Variants in ADAP1 observed in about 807,000 individuals in gnomAD.
ADAP1 encodes ArfGAP with dual PH domains 1, also known as arf-GAP with dual PH domain-containing protein 1.
A neutral mutation model predicts 54.9 loss-of-function variants in ADAP1; 31 were observed. The ratio of observed to expected loss-of-function variants is 0.56; its 90% CI spans 0.42 to 0.76. The LOEUF is 0.76. ADAP1 is among the 30% of genes least tolerant of loss of function. The probability of loss-of-function intolerance (pLI) is 0.00; values close to 1 mark genes in which losing one functional copy is unlikely to be tolerated. For synonymous variants in ADAP1, 313 were observed against 202.6 expected, an observed-to-expected ratio of 1.55 and a Z score of -4.63; for missense variants, 535 against 512.4, an observed-to-expected ratio of 1.04 and a Z score of -0.42.
chr7:904,335 A>T, intron 5 of ADAP1, 63 bp from the exon 6 acceptor site: 1 of 1,515,302 alleles, frequency 6.6e-7, no homozygotes, highest in Non-Finnish European at 8.8e-7. Flanking sequence ...GGGAGCAGGA[A>T]GGGCAGACCC....
chr7:928,462 T>C (rs1846460876), intron 2 of ADAP1, among the ~76,000 whole-genome samples: 1 of 152,268 alleles, frequency 6.6e-6, no homozygotes, highest in Non-Finnish European at 1.5e-5. Flanking sequence ...TTTGTTTTAA[T>C]GGAGGTGGGG....
At chr7:904,855 A>G (rs1427654579) in intron 5 of ADAP1, among the ~76,000 whole-genome samples, 5 of 152,204 alleles carry the variant, frequency 3.3e-5, no homozygotes, top group Admixed American at 1.3e-4. Flanking sequence ...GCTCCTGGAA[A>G]GCCTCAGCTG....
At chr7:930,187 C>T (rs943806266) in intron 2 of ADAP1, among the ~76,000 whole-genome samples, 5 of 144,100 alleles carry the variant, frequency 3.5e-5, no homozygotes, top group South Asian at 2.2e-4. Context: ...CAAAATAAAA[C>T]GCTGACCACT....
intron 4 of ADAP1, 191 bp from the exon 5 acceptor site, chr7:905,363 AGGG>A (rs1554271708): frequency 7.4e-6 from 1 of 135,140 alleles, no homozygotes; most frequent in South Asian, 7.6e-5. Flanking sequence ...GGGCAGGGAA[AGGG>A]AAAGGGAAAG....
rs183888494 is a variant in ADAP1 at position 927,113 on chromosome 7, G to T, written c.214-469C>A. 3,801 of 1,304,104 alleles carry T rather than the reference G, an allele frequency of 2.9e-3. 17 individuals are homozygous for T. The highest frequency in any genetic ancestry group is 3.4e-3 in the Non-Finnish European group (3,337 of 989,096). The allele number at this position is 1,304,104 out of a possible 1,614,324, so 80.8% of individuals were successfully genotyped here. On this transcript the variant is annotated intron_variant, in intron 2 of 10. Coordinates refer to ENST00000265846, the MANE Select transcript of ADAP1 (RefSeq NM_006869.4). Reference sequence around the variant, plus strand: ...GGGGCCTGGAGATGGGCTGGTGAGCGAGAGACCCAGATGTGGCTAGGACAG... The same window carrying T: ...GGGGCCTGGAGATGGGCTGGTGAGCTAGAGACCCAGATGTGGCTAGGACAG...
intron 1 of ADAP1, among the ~76,000 whole-genome samples, chr7:942,279 G>C (rs1485990901): frequency 6.6e-6 from 1 of 151,814 alleles, no homozygotes; most frequent in Admixed American, 6.6e-5. Context: ...CACTGAGAGA[G>C]AGAGGAGGAG....
chr7:905,487 AGGAGAAGGGAGAAGGGAGAAGGGAGAAG>A (rs1845145729), intron 4 of ADAP1: 3 of 44,438 alleles, frequency 6.8e-5, no homozygotes, highest in African/African-American at 1.9e-4. Context: ...GAAAGGAGAA[AGGAGAAGGGAGAAGGGAGAAGGGAGAAG>A]GGAGAAGGGA....
Position 926,239 on chromosome 7 carries a change from C to T in ADAP1, c.305+314G>A, listed in dbSNP as rs987580371. Among the ~76,000 whole-genome samples, 6 of 151,664 alleles carry T rather than the reference C, an allele frequency of 4.0e-5. No individual in the cohort carries two copies. Among genetic ancestry groups the T allele is most frequent in the Admixed American group, 2.6e-4 (4 of 15,206 alleles). Reference sequence around the variant, plus strand: ...CGCCCCTCCCGTTCCCCTCCCAGACCGCCAGGAGCACCTGGGAGGGCCCCT... The same window carrying T: ...CGCCCCTCCCGTTCCCCTCCCAGACTGCCAGGAGCACCTGGGAGGGCCCCT... On this transcript the variant is annotated intron_variant, in intron 3 of 10. Coordinates refer to ENST00000265846, the MANE Select transcript of ADAP1 (RefSeq NM_006869.4). The surrounding 1 kb of genome is among the most constrained non-coding windows in gnomAD (Gnocchi z 4.6).
chr7:910,487 G>T (rs1486655458), intron 4 of ADAP1, among the ~76,000 whole-genome samples: 1 of 152,152 alleles, frequency 6.6e-6, no homozygotes, highest in Non-Finnish European at 1.5e-5. Flanking sequence ...CTGAGCTCAG[G>T]TGACCCTCCT....
chr7:933,559 G>A (rs75037685), intron 2 of ADAP1, among the ~76,000 whole-genome samples: 24 of 87,108 alleles, frequency 2.8e-4, no homozygotes, highest in African/African-American at 5.0e-4. Context: ...AGAGCCGGGG[G>A]CCGGGGTCAG....
chr7:944,294 A>G (rs145125501), intron 1 of ADAP1, among the ~76,000 whole-genome samples: 9 of 139,352 alleles, frequency 6.5e-5, no homozygotes, highest in Admixed American at 2.2e-4. Context: ...TCACTCTATC[A>G]CCCAGGCTGG....
intron 2 of ADAP1, chr7:927,593 C>T: frequency 2.3e-6 from 1 of 425,814 alleles, no homozygotes; most frequent in South Asian, 1.7e-5. Context: ...CCCAGAAGAG[C>T]AGCTGGAGAA....
At chr7:928,540 A>C (rs936383330) in intron 2 of ADAP1, among the ~76,000 whole-genome samples, 2 of 152,202 alleles carry the variant, frequency 1.3e-5, no homozygotes, top group African/African-American at 4.8e-5. Context: ...TCGGCCTAAA[A>C]ATGGGGAAGG....
rs746582877 is a variant in ADAP1 at position 900,659 on chromosome 7, A to AGT, written c.649-44_649-43insAC. ...CACAGGCTTGGGCTGAGGAGGCTGC[A>AGT]GCGCTGGGGTCCCCACAGAGGGGCT... On this transcript the variant is annotated intron_variant, in intron 6 of 10. Coordinates refer to ENST00000265846, the MANE Select transcript of ADAP1 (RefSeq NM_006869.4). 9 of 1,480,550 alleles carry AGT rather than the reference A, an allele frequency of 6.1e-6. No homozygotes were observed. In the African/African-American group the frequency reaches 1.2e-4, roughly 20 times the overall value. The allele number at this position is 1,480,550 out of a possible 1,614,324, so 91.7% of individuals were successfully genotyped here.
chr7:901,183 G>T lies in ADAP1; in HGVS notation c.649-567C>A, dbSNP rs186053808. 31 of 368,340 alleles carry T rather than the reference G, an allele frequency of 8.4e-5. No homozygotes were observed. In the East Asian group the frequency reaches 2.1e-3, roughly 25 times the overall value. The allele number at this position is 368,340 out of a possible 1,614,324, so 22.8% of individuals were successfully genotyped here. A position where few individuals can be genotyped will look rare whatever the true frequency, so the allele number is the denominator to read the frequency against. ...GGGTGGGCCAGCACCCTGGAACAGA[G>T]GGCCCATAGCCCAGGCCTGGCACCC... On this transcript the variant is annotated intron_variant, in intron 6 of 10. Transcript: ENST00000265846.
chr7:900,119 C>T lies in ADAP1; in HGVS notation c.778G>A (p.Glu260Lys). 2 of 1,613,270 alleles carry T rather than the reference C, an allele frequency of 1.2e-6. No homozygotes were observed. The highest frequency in any genetic ancestry group is 1.3e-5 in the African/African-American group (1 of 75,058). Reference sequence around the variant, plus strand: ...ACACCCACCTTGGGCCCCGTCTTCTCCATGTAGCCTTCCTTCAGGTAGTTC... The same window carrying T: ...ACACCCACCTTGGGCCCCGTCTTCTTCATGTAGCCTTCCTTCAGGTAGTTC... ...SRNYLKEGYM[E>K]KTGPKQTEGF... The change falls in exon 8 of 11, where the codon GAG becomes AAG. Residue 260 changes from glutamate to lysine, a missense_variant. Glu to Lys is a moderately conservative substitution (Grantham distance 56). Coordinates refer to ENST00000265846, the MANE Select transcript of ADAP1 (RefSeq NM_006869.4).
chr7:952,307 C>G (rs1847291546), intron 1 of ADAP1, among the ~76,000 whole-genome samples: 1 of 152,202 alleles, frequency 6.6e-6, no homozygotes, highest in African/African-American at 2.4e-5. Flanking sequence ...AGCCCCAGGC[C>G]TGGCGTTCAG....
rs1846122193 is a variant in ADAP1, at chr7:919,969, TG to T, written c.386del (p.Ala129GlufsTer19). The T allele has an allele frequency of 6.2e-7, 1 of 1,602,270 alleles. No individual in the cohort carries two copies. The highest frequency in any genetic ancestry group is 1.4e-5 in the African/African-American group (1 of 74,016). On this transcript the variant is annotated frameshift_variant and splice_region_variant, in exon 4 of 11. Transcript: ENST00000265846. LOFTEE classifies it high-confidence loss of function. ...CCCACCCCACCCGGGTGGCCTCACC[TG>T]CCGAGTAGGGCTCCTGCTTCTCCGG... ...IYPEKQEPYS[A>X]GYREGFLWKR...
chr7:920,307 G>A lies in ADAP1; in HGVS notation c.306-257C>T, dbSNP rs568184636. ...GCATCAGGCCTCACGTTCTGCACAAGCGTTCCCGGTGGACGGGCTGGTGCC... is the reference window on the plus strand; with the variant it reads ...GCATCAGGCCTCACGTTCTGCACAAACGTTCCCGGTGGACGGGCTGGTGCC... On this transcript the variant is annotated intron_variant, in intron 3 of 10. Transcript: ENST00000265846. This position sits in a 1 kb window ranked among gnomAD's most constrained non-coding sequence, Gnocchi z 4.5. Among the ~76,000 whole-genome samples, 1 of 152,246 alleles carries A rather than the reference G, an allele frequency of 6.6e-6. No homozygotes were observed. Among genetic ancestry groups the A allele is most frequent in the East Asian group, 1.9e-4 (1 of 5,174 alleles).
Sources: allele counts gnomAD v4.1 joint callset (sites outside exome capture counted in the v4.1 genomes callset), GRCh38; gene constraint gnomAD v4.1.1; non-coding constraint Gnocchi (gnomAD v3.1); transcripts MANE v1.5; gene names NCBI Gene and HGNC (gene_info 2026-07-23, HGNC 2026-07-21).